Variants in PABPC4L observed in about 807,000 individuals in gnomAD.
PABPC4L encodes poly(A) binding protein cytoplasmic 4 like.
For synonymous variants in PABPC4L, 169 were observed against 164.1 expected, an observed-to-expected ratio of 1.03 and a Z score of -0.23; for missense variants, 452 against 451.4, an observed-to-expected ratio of 1.00 and a Z score of -0.01.
At chr4:134,080,834 A>G in the PABPC4L span, among the ~76,000 whole-genome samples, 2 of 152,296 alleles carry the variant, frequency 1.3e-5, no homozygotes, top group East Asian at 1.9e-4. Context: ...ACATAGAACT[A>G]TGGATTACTA....
chr4:134,125,611 T>C, the PABPC4L span, among the ~76,000 whole-genome samples: 1 of 152,102 alleles, frequency 6.6e-6, no homozygotes, highest in African/African-American at 2.4e-5. Flanking sequence ...AAACAAAGAA[T>C]CATGCTGACA....
the PABPC4L span, among the ~76,000 whole-genome samples, chr4:134,003,380 G>A: frequency 6.6e-6 from 1 of 151,672 alleles, no homozygotes; most frequent in Non-Finnish European, 1.5e-5. Context: ...TGAACATATT[G>A]CATATTTCAT....
Position 134,200,887 on chromosome 4 carries a change from G to T in PABPC4L, c.133C>A (p.Gln45Lys). ...TAGCCCAGAGAGCGGCGGGTGACCT[G>T]GTCCCTGCAAATGCGGATGGACAGC... ...PVLSIRICRD[Q>K]VTRRSLGYAY... The change falls in exon 2 of 2, where the codon CAG becomes AAG. Residue 45 changes from glutamine (Q) to lysine (K), a missense_variant. Coordinates refer to ENST00000421491, the MANE Select transcript of PABPC4L (RefSeq NM_001114734.2). 6.4e-7 allele frequency: 1 copy of T among 1,558,290 alleles called. No homozygotes were observed.
At chr4:134,118,880 G>T in the PABPC4L span, among the ~76,000 whole-genome samples, 236 of 151,786 alleles carry the variant, frequency 1.6e-3, no homozygotes, top group Non-Finnish European at 2.9e-3. Flanking sequence ...CACAGACTGA[G>T]GCAAAATGGT....
chr4:134,158,310 TTA>T, the PABPC4L span, among the ~76,000 whole-genome samples: 1 of 152,038 alleles, frequency 6.6e-6, no homozygotes, highest in Admixed American at 6.5e-5. Flanking sequence ...ATTGTCTTCT[TTA>T]TATCTGTTAG....
At chr4:134,086,796 TG>T in the PABPC4L span, among the ~76,000 whole-genome samples, 2 of 151,806 alleles carry the variant, frequency 1.3e-5, no homozygotes, top group Non-Finnish European at 2.9e-5. Flanking sequence ...TTGTTTTATT[TG>T]TTTTTTTTTC....
At chr4:134,096,401 A>G in the PABPC4L span, among the ~76,000 whole-genome samples, 1 of 151,974 alleles carries the variant, frequency 6.6e-6, no homozygotes, top group African/African-American at 2.4e-5. Context: ...ACATAGGCTT[A>G]AATTTTAAAC....
At chr4:134,055,932 G>A in the PABPC4L span, among the ~76,000 whole-genome samples, 1 of 152,060 alleles carries the variant, frequency 6.6e-6, no homozygotes, top group Non-Finnish European at 1.5e-5. Context: ...TTGTTTTAAA[G>A]TGTCAAAGTT....
At chr4:134,141,343 A>G in the PABPC4L span, among the ~76,000 whole-genome samples, 7 of 151,688 alleles carry the variant, frequency 4.6e-5, no homozygotes, top group Non-Finnish European at 7.4e-5. Context: ...TAAAGCTACC[A>G]AACAGTGAAA....
At chr4:133,957,896 C>T in the PABPC4L span, among the ~76,000 whole-genome samples, 1 of 152,200 alleles carries the variant, frequency 6.6e-6, no homozygotes. Flanking sequence ...GTGCCATGTC[C>T]TGAGGCTGCG....
chr4:134,154,755 GA>G, the PABPC4L span, among the ~76,000 whole-genome samples: 1 of 151,766 alleles, frequency 6.6e-6, no homozygotes, highest in Non-Finnish European at 1.5e-5. Flanking sequence ...AATGACAGTA[GA>G]ATTTTTTTAA....
At chr4:133,970,603 G>A in the PABPC4L span, among the ~76,000 whole-genome samples, 4 of 152,064 alleles carry the variant, frequency 2.6e-5, no homozygotes, top group African/African-American at 7.3e-5. Flanking sequence ...TTCTCTTTCA[G>A]TTGAACCAGT....
chr4:134,184,360 TA>T, the PABPC4L span, among the ~76,000 whole-genome samples: 1 of 152,044 alleles, frequency 6.6e-6, no homozygotes, highest in Non-Finnish European at 1.5e-5. Flanking sequence ...TATCTAAATG[TA>T]AAATATGATT....
chr4:133,961,697 C>G, the PABPC4L span, among the ~76,000 whole-genome samples: 1 of 152,046 alleles, frequency 6.6e-6, no homozygotes, highest in African/African-American at 2.4e-5. Flanking sequence ...ATGGCTTGAG[C>G]TGAGCTTTCG....
At chr4:134,132,413 G>T in the PABPC4L span, among the ~76,000 whole-genome samples, 1 of 151,882 alleles carries the variant, frequency 6.6e-6, no homozygotes, top group East Asian at 1.9e-4. Flanking sequence ...GGCATGAATA[G>T]AAAATTTTCA....
the PABPC4L span, among the ~76,000 whole-genome samples, chr4:134,025,664 A>C: frequency 6.6e-6 from 1 of 152,188 alleles, no homozygotes; most frequent in African/African-American, 2.4e-5. Context: ...ACAACTAAAT[A>C]AATGTTTTAA....
the PABPC4L span, among the ~76,000 whole-genome samples, chr4:134,045,179 A>G: frequency 6.6e-6 from 1 of 152,158 alleles, no homozygotes; most frequent in African/African-American, 2.4e-5. Context: ...TATCAGCTCT[A>G]AAACTGATAG....
chr4:133,989,916 C>T, the PABPC4L span, among the ~76,000 whole-genome samples: 3 of 152,128 alleles, frequency 2.0e-5, no homozygotes, highest in Non-Finnish European at 2.9e-5. Flanking sequence ...TCCTCCTTCA[C>T]ATGGCAGTAG....
the PABPC4L span, among the ~76,000 whole-genome samples, chr4:134,073,538 G>T: frequency 6.6e-6 from 1 of 151,288 alleles, no homozygotes; most frequent in Admixed American, 6.6e-5. Flanking sequence ...AATTCTGGGG[G>T]CTGGAGGATG....
Sources: allele counts gnomAD v4.1 joint callset (sites outside exome capture counted in the v4.1 genomes callset), GRCh38; gene constraint gnomAD v4.1.1; transcripts MANE v1.5; gene names NCBI Gene and HGNC (gene_info 2026-07-23, HGNC 2026-07-21).